Variants in PPP6C observed in about 807,000 individuals in gnomAD.
PPP6C encodes the protein serine/threonine-protein phosphatase 6 catalytic subunit.
PPP6C carries 11 observed loss-of-function variants against 39.8 expected under a neutral mutation model. The ratio of observed to expected loss-of-function variants is 0.28; its 90% CI spans 0.17 to 0.46. The LOEUF (loss-of-function observed/expected upper bound fraction) is 0.46, where lower values mean the gene tolerates loss of function less well. PPP6C is among the 20% of genes least tolerant of loss of function. The pLI, the probability that PPP6C is intolerant of heterozygous loss-of-function variation, is 1.00. For synonymous variants in PPP6C, 129 were observed against 130.3 expected, an observed-to-expected ratio of 0.99 and a Z score of 0.07; for missense variants, 211 against 373.9, an observed-to-expected ratio of 0.56 and a Z score of 3.59.
intron 1 of PPP6C, among the ~76,000 whole-genome samples, chr9:125,172,602 G>C (rs1203959524): frequency 1.3e-5 from 2 of 152,056 alleles, no homozygotes; most frequent in Non-Finnish European, 2.9e-5. Flanking sequence ...AAGTGGGTGT[G>C]GCTATAAAAG....
intron 2 of PPP6C, among the ~76,000 whole-genome samples, chr9:125,163,787 A>C (rs1405898721): frequency 2.0e-5 from 3 of 152,096 alleles, no homozygotes; most frequent in Non-Finnish European, 4.4e-5. Context: ...ACACAGGTAG[A>C]CGATTAAATA....
At chr9:125,189,415 C>T in intron 1 of PPP6C, 2 of 1,256,832 alleles carry the variant, frequency 1.6e-6, no homozygotes, top group South Asian at 1.6e-5. Flanking sequence ...GACCCTGGGA[C>T]AGAGGCCGCG....
chr9:125,149,634 A>T lies in PPP6C; in HGVS notation c.*39T>A, dbSNP rs762330462. The T allele has an allele frequency of 5.6e-6, 9 of 1,601,910 alleles. 1 individual carries two copies. Among genetic ancestry groups the T allele is most frequent in the South Asian group, 4.5e-5 (4 of 89,652 alleles). On this transcript the variant is annotated 3_prime_UTR_variant, in exon 7 of 7. Coordinates refer to ENST00000373547, the MANE Select transcript of PPP6C (RefSeq NM_002721.5). ...GTAATACAAGAAAATTGGGGTAAGA[A>T]GAGGGCAGAAAAATGGGTCAGCAGG...
chr9:125,150,278 TGAAA>T (rs1835903308), intron 6 of PPP6C, among the ~76,000 whole-genome samples: 2 of 152,228 alleles, frequency 1.3e-5, no homozygotes, highest in South Asian at 4.1e-4. Flanking sequence ...GCAATAATTC[TGAAA>T]GAGATTATTC....
intron 1 of PPP6C, 94 bp downstream of exon 1, chr9:125,189,550 T>A (rs1564161900): frequency 6.3e-7 from 1 of 1,579,396 alleles, no homozygotes. Context: ...CCACCGCGAC[T>A]GGACTGGATA....
intron 1 of PPP6C, among the ~76,000 whole-genome samples, chr9:125,186,553 C>G (rs1306106113): frequency 6.6e-6 from 1 of 151,676 alleles, no homozygotes; most frequent in Non-Finnish European, 1.5e-5. Flanking sequence ...CAAGACTGGC[C>G]TGGGTAACAT....
intron 1 of PPP6C, among the ~76,000 whole-genome samples, chr9:125,177,258 C>A (rs1465633310): frequency 6.6e-6 from 1 of 152,138 alleles, no homozygotes. Flanking sequence ...CCTGTAGTCT[C>A]AGCTACTTGA....
At chr9:125,177,854 C>T (rs967824427) in intron 1 of PPP6C, among the ~76,000 whole-genome samples, 3 of 152,202 alleles carry the variant, frequency 2.0e-5, no homozygotes, top group Non-Finnish European at 4.4e-5. Context: ...TTTTTACTGT[C>T]TCTATAGTTT....
intron 4 of PPP6C, among the ~76,000 whole-genome samples, chr9:125,157,326 C>G (rs1303278749): frequency 7.9e-5 from 12 of 151,976 alleles, no homozygotes. Context: ...CCCTGAGGTC[C>G]TAGCATTCTC....
rs770643826 is a variant in PPP6C at position 125,153,954 on chromosome 9, A to C, written c.411T>G (p.Asn137Lys). 6.2e-7 allele frequency: 1 copy of C among 1,611,516 alleles called. No individual in the cohort carries two copies. Among genetic ancestry groups the C allele is most frequent in the Non-Finnish European group, 8.5e-7 (1 of 1,177,690 alleles). The change falls in exon 5 of 7, where the codon AAT becomes AAG. Residue 137 changes from asparagine (N) to lysine (K), a missense_variant. Asn to Lys is a moderately conservative substitution (Grantham distance 94). Around this residue, in one of 2 missense-constraint regions of PPP6C, gnomAD observed 168 missense variants for 342.6 expected, o/e 0.49. Transcript: ENST00000373547. Reference sequence around the variant, plus strand: ...AAACTTTGGTACAGTATCTCCAGGCATTAGCATTTCCATATTTGGTTTGGC... The same window carrying C: ...AAACTTTGGTACAGTATCTCCAGGCCTTAGCATTTCCATATTTGGTTTGGC... ...DECQTKYGNA[N>K]AWRYCTKVFD...
At chr9:125,150,875 C>T (rs1397100774) in intron 6 of PPP6C, 1 of 819,904 alleles carries the variant, frequency 1.2e-6, no homozygotes, top group Non-Finnish European at 2.2e-6. Context: ...TGACTAATAC[C>T]TGCAAGACTG....
intron 6 of PPP6C, chr9:125,150,891 G>A: frequency 5.8e-6 from 5 of 864,710 alleles, no homozygotes; most frequent in Non-Finnish European, 1.0e-5. Flanking sequence ...GACTGCTTCA[G>A]CGAGCCAGCT....
chr9:125,183,559 T>G (rs1829462469), intron 1 of PPP6C, among the ~76,000 whole-genome samples: 1 of 152,132 alleles, frequency 6.6e-6, no homozygotes, highest in South Asian at 2.1e-4. Flanking sequence ...ACCTAAAAAA[T>G]AACAATCTAA....
At chr9:125,162,875 C>T (rs765431900) in intron 2 of PPP6C, among the ~76,000 whole-genome samples, 2 of 151,638 alleles carry the variant, frequency 1.3e-5, no homozygotes, top group Non-Finnish European at 2.9e-5. Flanking sequence ...GTCAGGAGTT[C>T]GAGACCAGCC....
intron 2 of PPP6C, among the ~76,000 whole-genome samples, chr9:125,168,414 T>G (rs888988856): frequency 1.3e-5 from 2 of 152,196 alleles, no homozygotes; most frequent in African/African-American, 2.4e-5. Flanking sequence ...AATCAGTCAA[T>G]AGCTATTTAG....
chr9:125,189,750 G>GGC lies in PPP6C; in HGVS notation c.-34_-33dup, dbSNP rs1554724103. 6.4e-7 allele frequency: 1 copy of GGC among 1,560,034 alleles called. No homozygotes were observed. The highest frequency in any genetic ancestry group is 2.0e-5 in the Admixed American group (1 of 49,988). Reference sequence around the variant, plus strand: ...AATAACAAGCCGCGGCAACAGCGGCGGCGGCGGCTGTAGCAGCGGCGGCGG... The same window carrying GGC: ...AATAACAAGCCGCGGCAACAGCGGCGGCGCGGCGGCTGTAGCAGCGGCGGCGG... On this transcript the variant is annotated 5_prime_UTR_variant, in exon 1 of 7. Coordinates refer to ENST00000373547, the MANE Select transcript of PPP6C (RefSeq NM_002721.5).
chr9:125,184,125 C>T (rs779458010), intron 1 of PPP6C, among the ~76,000 whole-genome samples: 6 of 152,044 alleles, frequency 3.9e-5, no homozygotes, highest in African/African-American at 9.7e-5. Context: ...CGGTGGCTAA[C>T]GCCTATAATC....
chr9:125,183,224 A>C (rs1331842336), intron 1 of PPP6C, among the ~76,000 whole-genome samples: 13 of 151,978 alleles, frequency 8.6e-5, no homozygotes, highest in African/African-American at 3.1e-4. Flanking sequence ...CTCTCATATC[A>C]CCGGGCCTAC....
chr9:125,153,875 C>G (rs531784591), intron 5 of PPP6C, 31 bp downstream of exon 5: 1 of 1,556,422 alleles, frequency 6.4e-7, no homozygotes. Context: ...TTGGCAGGAA[C>G]GTACATGAGA....
Sources: gnomAD v4.1 joint callset for allele counts (sites outside exome capture counted in the v4.1 genomes callset) on GRCh38, gnomAD v4.1.1 for gene constraint, gnomAD v4.1.1 regional missense constraint, MANE v1.5 for transcripts, NCBI Gene and HGNC (gene_info 2026-07-23, HGNC 2026-07-21) for gene names.